Variants in COL23A1 observed in about 807,000 individuals in gnomAD.
COL23A1 encodes collagen alpha-1(XXIII) chain.
Under a neutral mutation model 99.3 loss-of-function variants are expected in COL23A1, and 97 were observed. That is an observed-to-expected ratio of 0.98 (90% CI 0.83 to 1.16). COL23A1 has a LOEUF of 1.16. Ranked by LOEUF, COL23A1 falls within the 50% of genes most tolerant of loss-of-function variation. The pLI, the probability that COL23A1 is intolerant of heterozygous loss-of-function variation, is 0.00. For missense variants in COL23A1, 762 were observed against 757.4 expected (o/e 1.01, Z -0.07); for synonymous variants, 320 against 308.2 (o/e 1.04, Z -0.40).
intron 3 of COL23A1, among the ~76,000 whole-genome samples, chr5:178,297,072 C>T (rs2127593303): frequency 6.6e-6 from 1 of 152,378 alleles, no homozygotes; most frequent in African/African-American, 2.4e-5. Flanking sequence ...TGCCCTTGGG[C>T]ACGGTGCTCT....
At chr5:178,416,119 G>A (rs570927560) in intron 2 of COL23A1, among the ~76,000 whole-genome samples, 11 of 152,058 alleles carry the variant, frequency 7.2e-5, no homozygotes, top group African/African-American at 1.9e-4. Flanking sequence ...TCATTCGCTC[G>A]TTGACTACAT....
At chr5:178,516,701 GTGT>G (rs1759537525) in intron 2 of COL23A1, among the ~76,000 whole-genome samples, 1 of 152,112 alleles carries the variant, frequency 6.6e-6, no homozygotes, top group Non-Finnish European at 1.5e-5. Context: ...CTTAACTCAG[GTGT>G]TGCTTCCCTT....
chr5:178,481,765 G>A (rs1452406206), intron 2 of COL23A1, among the ~76,000 whole-genome samples: 1 of 151,230 alleles, frequency 6.6e-6, no homozygotes, highest in African/African-American at 2.4e-5. Context: ...TGACTGCTGG[G>A]CATTAAAAAT....
intron 2 of COL23A1, among the ~76,000 whole-genome samples, chr5:178,465,931 C>A (rs1005073832): frequency 1.3e-5 from 2 of 152,136 alleles, no homozygotes; most frequent in Non-Finnish European, 2.9e-5. Flanking sequence ...TCTAACTCAG[C>A]GCACACTTCA....
chr5:178,535,484 C>A (rs139651027), intron 2 of COL23A1, among the ~76,000 whole-genome samples: 1 of 152,252 alleles, frequency 6.6e-6, no homozygotes, highest in Non-Finnish European at 1.5e-5. Flanking sequence ...CTCTGTATAC[C>A]GCATGCCAGG....
chr5:178,524,602 G>A (rs1271181130), intron 2 of COL23A1, among the ~76,000 whole-genome samples: 2 of 152,198 alleles, frequency 1.3e-5, no homozygotes, highest in African/African-American at 4.8e-5. Flanking sequence ...GCTCTGGCCT[G>A]TACCAGCCTC....
intron 2 of COL23A1, among the ~76,000 whole-genome samples, chr5:178,560,186 T>C: frequency 6.6e-6 from 1 of 152,242 alleles, no homozygotes; most frequent in East Asian, 1.9e-4. Context: ...AGAGAGTCTA[T>C]GATAATTTGA....
At chr5:178,353,018 A>G (rs1452115905) in intron 2 of COL23A1, among the ~76,000 whole-genome samples, 1 of 152,244 alleles carries the variant, frequency 6.6e-6, no homozygotes, top group Non-Finnish European at 1.5e-5. Context: ...TCAAATGCAC[A>G]TACGCTTTGA....
At chr5:178,256,806 C>G in intron 14 of COL23A1, 60 bp downstream of exon 14, 1 of 1,520,876 alleles carries the variant, frequency 6.6e-7, no homozygotes, top group African/African-American at 1.4e-5. Flanking sequence ...CTCCCACTCC[C>G]GACTGGGTGG....
intron 2 of COL23A1, among the ~76,000 whole-genome samples, chr5:178,347,630 T>A (rs1208789125): frequency 4.6e-5 from 7 of 151,274 alleles, no homozygotes; most frequent in Admixed American, 4.6e-4. Context: ...ACGCCTGTAA[T>A]CCCAGCACTT....
At chr5:178,371,863 C>T (rs949516229) in intron 2 of COL23A1, among the ~76,000 whole-genome samples, 5 of 152,186 alleles carry the variant, frequency 3.3e-5, no homozygotes, top group African/African-American at 1.2e-4. Flanking sequence ...TAGCTGTTGC[C>T]AACTAGAGTG....
At chr5:178,553,169 TAA>T (rs55857926) in intron 2 of COL23A1, among the ~76,000 whole-genome samples, 37,176 of 134,856 alleles carry the variant, frequency 0.28, 5,060 homozygotes, top group Middle Eastern at 0.38. Context: ...GATCCTATCT[TAA>T]AAAAAAAAAA....
chr5:178,248,268 A>G lies in COL23A1; in HGVS notation c.1150-14T>C. On this transcript the variant is annotated splice_polypyrimidine_tract_variant and intron_variant, in intron 19 of 28. Transcript: ENST00000390654. ...GCCGTCAGCGCCCTGCAGGACGGCA[A>G]TGGCCTGTGAGTCCTTTGTGTCCAG... is the stretch of plus-strand genomic sequence containing the variant. The G allele has an allele frequency of 1.2e-6, 2 of 1,607,950 alleles. No individual in the cohort carries two copies. The highest frequency in any genetic ancestry group is 1.7e-6 in the Non-Finnish European group (2 of 1,175,202).
chr5:178,589,974 A>C lies in COL23A1; in HGVS notation c.224T>G (p.Leu75Arg). Residue 75 changes from leucine to arginine, a missense_variant, in exon 1 of 29, where the codon CTG becomes CGG. Transcript: ENST00000390654. This position sits in a 1 kb window ranked among gnomAD's most constrained non-coding sequence, Gnocchi z 5.4. Reference protein sequence around the residue: ...VAALEEERELLRRAGPPGALD... With the variant: ...VAALEEERELRRRAGPPGALD... Reference sequence around the variant, plus strand: ...GGCGCCTGGCGGCCCCGCGCGCCGCAGCAGCTCCCGCTCCTCCTCGAGCGC... The same window carrying C: ...GGCGCCTGGCGGCCCCGCGCGCCGCCGCAGCTCCCGCTCCTCCTCGAGCGC... The C allele has an allele frequency of 7.5e-7, 1 of 1,333,500 alleles. No individual in the cohort carries two copies. The highest frequency in any genetic ancestry group is 2.0e-5 in the South Asian group (1 of 51,086). The allele number at this position is 1,333,500 out of a possible 1,614,324, so 82.6% of individuals were successfully genotyped here.
chr5:178,551,429 T>C (rs937425366), intron 2 of COL23A1, among the ~76,000 whole-genome samples: 25 of 152,132 alleles, frequency 1.6e-4, no homozygotes, highest in Middle Eastern at 3.2e-3. Context: ...CAGTGGGTCT[T>C]ACAAATTGGT....
At chr5:178,560,131 C>T (rs180806559) in intron 2 of COL23A1, among the ~76,000 whole-genome samples, 4 of 152,342 alleles carry the variant, frequency 2.6e-5, no homozygotes, top group Non-Finnish European at 1.5e-5. Flanking sequence ...GTCAACAATT[C>T]CTGGTTTCAT....
At position 178,265,403 on chromosome 5, in the gene COL23A1, C is replaced by T. The variant is rs1270274420; in HGVS notation, c.522+1904G>A. Reference sequence around the variant, plus strand: ...AAGCAGGAAGAATTTGAAGACACCCCCTTAGCTCCCTGCTGCTCCTTTTAT... The same window carrying T: ...AAGCAGGAAGAATTTGAAGACACCCTCTTAGCTCCCTGCTGCTCCTTTTAT... On this transcript the variant is annotated intron_variant, in intron 8 of 28. Transcript: ENST00000390654. 2.6e-5 allele frequency among the ~76,000 whole-genome samples: 4 copies of T among 152,196 alleles called. 1 individual carries two copies. The highest frequency in any genetic ancestry group is 5.9e-5 in the Non-Finnish European group (4 of 68,036).
intron 5 of COL23A1, among the ~76,000 whole-genome samples, chr5:178,277,791 T>C (rs1378183560): frequency 6.6e-6 from 1 of 152,162 alleles, no homozygotes; most frequent in Non-Finnish European, 1.5e-5. Context: ...CAAAAATACC[T>C]GCTGAAATGA....
chr5:178,405,845 G>A (rs1764734553), intron 2 of COL23A1, among the ~76,000 whole-genome samples: 1 of 152,212 alleles, frequency 6.6e-6, no homozygotes, highest in African/African-American at 2.4e-5. Flanking sequence ...GCTCATGCCT[G>A]TAATCCCAGC....
Sources: allele counts gnomAD v4.1 joint callset (sites outside exome capture counted in the v4.1 genomes callset), GRCh38; gene constraint gnomAD v4.1.1; non-coding constraint Gnocchi (gnomAD v3.1); transcripts MANE v1.5; gene names NCBI Gene and HGNC (gene_info 2026-07-23, HGNC 2026-07-21).